RGS22: variants seen among roughly 807,000 people sequenced by gnomAD.
RGS22 encodes the protein regulator of G-protein signaling 22.
A neutral mutation model predicts 172.9 loss-of-function variants in RGS22; 148 were observed. That is an observed-to-expected ratio of 0.86 (90% CI 0.75 to 0.98). RGS22 has a LOEUF of 0.98. RGS22 is among the 50% of genes least tolerant of loss of function. The probability of loss-of-function intolerance (pLI) is 0.00; values close to 1 mark genes in which losing one functional copy is unlikely to be tolerated. For synonymous variants in RGS22, 458 were observed against 480.2 expected, an observed-to-expected ratio of 0.95 and a Z score of 0.60; for missense variants, 1,347 against 1,440.8, an observed-to-expected ratio of 0.93 and a Z score of 1.05.
chr8:100,009,121 A>C (rs1365826834), intron 14 of RGS22, among the ~76,000 whole-genome samples: 5 of 152,186 alleles, frequency 3.3e-5, no homozygotes, highest in Non-Finnish European at 7.4e-5. Context: ...AAAGAAAAGC[A>C]TAAGAGCGAA....
chr8:100,084,326 G>A (rs933938141), intron 3 of RGS22, among the ~76,000 whole-genome samples: 1 of 152,164 alleles, frequency 6.6e-6, no homozygotes, highest in South Asian at 2.1e-4. Context: ...ATTCTGAATG[G>A]ACCTAGTAGG....
chr8:100,071,639 C>G, intron 5 of RGS22, 102 bp from the exon 6 acceptor site: 1 of 770,458 alleles, frequency 1.3e-6, no homozygotes, highest in South Asian at 2.4e-5. Flanking sequence ...CTCCTCTCCT[C>G]ACTCTTGATG....
intron 23 of RGS22, among the ~76,000 whole-genome samples, chr8:99,968,520 G>A (rs1810998555): frequency 6.6e-6 from 1 of 151,982 alleles, no homozygotes; most frequent in South Asian, 2.1e-4. Context: ...TAGAATACCA[G>A]TTTAAAGAAG....
At chr8:99,977,403 G>A (rs539630530) in intron 23 of RGS22, among the ~76,000 whole-genome samples, 25 of 151,640 alleles carry the variant, frequency 1.6e-4, no homozygotes, top group African/African-American at 5.3e-4. Flanking sequence ...GATTACAGGC[G>A]TGAGGCACCG....
At chr8:99,981,435 C>G (rs16897836) in intron 22 of RGS22, among the ~76,000 whole-genome samples, 12,202 of 151,836 alleles carry the variant, frequency 0.08, 805 homozygotes, top group African/African-American at 0.18. Context: ...AAGGAATTAC[C>G]AATAGTGGAA....
At position 100,071,441 on chromosome 8, in the gene RGS22, G is replaced by A. The variant is rs1188002971; in HGVS notation, c.522C>T (p.Pro174=). 1 of 1,613,262 alleles carries A rather than the reference G, an allele frequency of 6.2e-7. No homozygotes were observed. Among genetic ancestry groups the A allele is most frequent in the Non-Finnish European group, 8.5e-7 (1 of 1,179,474 alleles). The change falls in exon 6 of 28, where the codon CCC becomes CCT. Residue 174 remains proline (P), a synonymous_variant. Coordinates refer to ENST00000360863, the MANE Select transcript of RGS22 (RefSeq NM_015668.5). The stretch of plus-strand genomic sequence containing the variant: ...CTTCAGTGGCAGGAGGTGGTAGACT[G>A]GGTGGTTTTTTCACGATCCAGGGAG... ...NFSPWIVKKP[P]SLPPPATEED...
At chr8:100,104,505 G>A (rs1238288704) in intron 2 of RGS22, among the ~76,000 whole-genome samples, 1 of 150,842 alleles carries the variant, frequency 6.6e-6, no homozygotes, top group African/African-American at 2.4e-5. Context: ...GTCTCTCCCA[G>A]CAATGGACCA....
chr8:99,977,840 A>T (rs183130480), intron 23 of RGS22, 77 bp downstream of exon 23: 3 of 1,261,154 alleles, frequency 2.4e-6, no homozygotes, highest in East Asian at 2.7e-5. Flanking sequence ...ATATCCCCAG[A>T]CAAAATTATT....
chr8:100,100,572 G>A (rs1813393626), intron 2 of RGS22, among the ~76,000 whole-genome samples: 1 of 152,174 alleles, frequency 6.6e-6, no homozygotes, highest in Non-Finnish European at 1.5e-5. Flanking sequence ...TTACAGGTGT[G>A]AGCCATTGCA....
At chr8:99,969,058 G>T (rs757560487) in intron 23 of RGS22, among the ~76,000 whole-genome samples, 1 of 152,016 alleles carries the variant, frequency 6.6e-6, no homozygotes, top group African/African-American at 2.4e-5. Flanking sequence ...AACCCCATAG[G>T]GTAAGCCAGG....
rs116030143 is a variant in RGS22, at chr8:100,047,415, C to T, written c.1823+48G>A. 1.4e-3 allele frequency: 2,071 copies of T among 1,498,630 alleles called. 14 individuals carry two copies. The highest frequency in any genetic ancestry group is 0.013 in the African/African-American group (892 of 70,636). 92.8% of individuals were successfully genotyped at this position (1,498,630 alleles called of 1,614,324 possible). A position where few individuals can be genotyped will look rare whatever the true frequency, so the allele number is the denominator to read the frequency against. On this transcript the variant is annotated intron_variant, in intron 11 of 27. Coordinates refer to ENST00000360863, the MANE Select transcript of RGS22 (RefSeq NM_015668.5). ...TGTTTAGTTTTTAAATTCTCTAAAA[C>T]GCTTAGTATTGCAGAAAAGCACTTA... is the stretch of plus-strand genomic sequence containing the variant.
chr8:100,103,091 G>C (rs1366342455), intron 2 of RGS22, among the ~76,000 whole-genome samples: 3 of 152,136 alleles, frequency 2.0e-5, no homozygotes, highest in African/African-American at 7.2e-5. Flanking sequence ...CCAGTAACAA[G>C]GTAATGTTTT....
chr8:100,081,116 A>C (rs1381212792), intron 3 of RGS22, among the ~76,000 whole-genome samples: 1 of 152,044 alleles, frequency 6.6e-6, no homozygotes, highest in African/African-American at 2.4e-5. Flanking sequence ...TCCCTTTTTC[A>C]GAATATTCAT....
chr8:100,058,611 G>T (rs1809841981), intron 9 of RGS22, among the ~76,000 whole-genome samples: 2 of 152,028 alleles, frequency 1.3e-5, no homozygotes. Context: ...ACGTGCTGAA[G>T]GAAAAAACTT....
intron 2 of RGS22, among the ~76,000 whole-genome samples, chr8:100,095,401 C>G (rs934934740): frequency 6.6e-6 from 1 of 152,090 alleles, no homozygotes; most frequent in Non-Finnish European, 1.5e-5. Flanking sequence ...CCAGGCTGGT[C>G]TCGAACTCCT....
At chr8:99,972,012 A>G (rs1447598097) in intron 23 of RGS22, among the ~76,000 whole-genome samples, 1 of 152,212 alleles carries the variant, frequency 6.6e-6, no homozygotes, top group East Asian at 1.9e-4. Context: ...CTACATGGCT[A>G]CAATAATAAA....
chr8:100,032,180 A>C (rs944082388), intron 14 of RGS22, among the ~76,000 whole-genome samples: 1 of 152,214 alleles, frequency 6.6e-6, no homozygotes, highest in Non-Finnish European at 1.5e-5. Flanking sequence ...TTAACCTTAA[A>C]TGTAAATGGG....
At chr8:100,001,211 TATATATATAC>T (rs1403980255) in intron 18 of RGS22, among the ~76,000 whole-genome samples, 3 of 135,150 alleles carry the variant, frequency 2.2e-5, no homozygotes, top group Non-Finnish European at 3.1e-5. Flanking sequence ...TTTATATATA[TATATATATAC>T]ATATATATAT....
intron 14 of RGS22, among the ~76,000 whole-genome samples, chr8:100,009,198 G>A (rs575487574): frequency 3.9e-5 from 6 of 152,136 alleles, no homozygotes; most frequent in South Asian, 2.1e-4. Context: ...CGGGTGGATC[G>A]CTTGAGGTCA....
Sources: gnomAD v4.1 joint callset for allele counts (sites outside exome capture counted in the v4.1 genomes callset) on GRCh38, gnomAD v4.1.1 for gene constraint, MANE v1.5 for transcripts, NCBI Gene and HGNC (gene_info 2026-07-23, HGNC 2026-07-21) for gene names.